Variants in MYPN observed in about 807,000 individuals in gnomAD.
The protein encoded by MYPN is myopalladin.
Under a neutral mutation model 129.4 loss-of-function variants are expected in MYPN, and 63 were observed. The ratio of observed to expected loss-of-function variants is 0.49; its 90% CI spans 0.40 to 0.60. The LOEUF (loss-of-function observed/expected upper bound fraction) is 0.60. Ranked by LOEUF, MYPN falls within the 20% of genes least tolerant of loss-of-function variation. The pLI, the probability that MYPN is intolerant of heterozygous loss-of-function variation, is 0.00. For synonymous variants in MYPN, 629 were observed against 600.9 expected (o/e 1.05, Z -0.68); for missense variants, 1,596 against 1,635.4 (o/e 0.98, Z 0.42).
chr10:68,184,197 C>T (rs915986992), intron 12 of MYPN, among the ~76,000 whole-genome samples: 3 of 151,964 alleles, frequency 2.0e-5, no homozygotes, highest in Non-Finnish European at 4.4e-5. Flanking sequence ...TATCCTGATA[C>T]AAAGCAAGCA....
chr10:68,177,600 C>G (rs2043247821), intron 12 of MYPN, among the ~76,000 whole-genome samples: 1 of 152,160 alleles, frequency 6.6e-6, no homozygotes, highest in Non-Finnish European at 1.5e-5. Context: ...TCATGAAGAA[C>G]TGTCTAAAAT....
intron 10 of MYPN, among the ~76,000 whole-genome samples, chr10:68,170,283 G>A (rs113060743): frequency 6.6e-5 from 10 of 152,126 alleles, no homozygotes; most frequent in African/African-American, 1.7e-4. Context: ...AATATAAGAC[G>A]TCTTTCTACT....
chr10:68,203,691 A>G (rs78711684), intron 18 of MYPN, among the ~76,000 whole-genome samples: 443 of 12,360 alleles, frequency 0.036, 3 homozygotes, highest in African/African-American at 0.06. Flanking sequence ...ACGCGCACGC[A>G]CACACACACA....
At chr10:68,157,113 C>G (rs1440908546) in intron 6 of MYPN, among the ~76,000 whole-genome samples, 1 of 152,210 alleles carries the variant, frequency 6.6e-6, no homozygotes, top group African/African-American at 2.4e-5. Context: ...ACACTGATAT[C>G]TTACAATTCA....
At chr10:68,141,351 G>C (rs1196923967) in intron 2 of MYPN, among the ~76,000 whole-genome samples, 1 of 149,672 alleles carries the variant, frequency 6.7e-6, no homozygotes, top group African/African-American at 2.5e-5. Flanking sequence ...TCTGGTGACA[G>C]AGCAAGACTC....
intron 2 of MYPN, among the ~76,000 whole-genome samples, chr10:68,140,793 A>G (rs751141759): frequency 2.6e-5 from 4 of 152,066 alleles, no homozygotes; most frequent in African/African-American, 9.7e-5. Context: ...GCCTTATAGG[A>G]TGTGTGTGGT....
chr10:68,134,306 T>A (rs1302791443), intron 2 of MYPN, among the ~76,000 whole-genome samples: 1 of 152,052 alleles, frequency 6.6e-6, no homozygotes, highest in Non-Finnish European at 1.5e-5. Context: ...CAGATAAATA[T>A]TATATTTAAT....
At chr10:68,094,193 C>T (rs2041944563) in intron 1 of MYPN, among the ~76,000 whole-genome samples, 1 of 152,094 alleles carries the variant, frequency 6.6e-6, no homozygotes. Flanking sequence ...CCTTCTGTCT[C>T]ATCCTGTGAC....
At chr10:68,089,688 G>A (rs977904199) in intron 1 of MYPN, among the ~76,000 whole-genome samples, 30 of 152,104 alleles carry the variant, frequency 2.0e-4, no homozygotes, top group African/African-American at 6.8e-4. Flanking sequence ...TGCGAGAAGA[G>A]AGAAGAGAAG....
At chr10:68,199,639 A>T in intron 17 of MYPN, 64 bp downstream of exon 17, 3 of 1,507,408 alleles carry the variant, frequency 2.0e-6, no homozygotes, top group Non-Finnish European at 2.8e-6. Flanking sequence ...AAAGAGGCAG[A>T]GCCTCTGCCA....
rs1589553380 is a variant in MYPN at position 68,145,626 on chromosome 10, C to T, written c.1130+100C>T. 8 of 1,000,134 alleles carry T rather than the reference C, an allele frequency of 8.0e-6. No individual in the cohort carries two copies. The East Asian group carries it at 2.0e-4, about 25-fold the overall frequency. 62.0% of individuals were successfully genotyped at this position (1,000,134 alleles called of 1,614,324 possible). ...TTACTAGAACTTAAGAAGGGTGGCT[C>T]CAGGGTTTGACCACAAAAATAAATA... On this transcript the variant is annotated intron_variant, in intron 4 of 19. Transcript: ENST00000358913.
intron 2 of MYPN, among the ~76,000 whole-genome samples, chr10:68,125,127 G>T (rs951398040): frequency 9.2e-5 from 14 of 152,124 alleles, no homozygotes; most frequent in Admixed American, 3.9e-4. Context: ...TGAATTCAAT[G>T]CACCACTAAG....
chr10:68,137,442 G>C (rs1379228110), intron 2 of MYPN, among the ~76,000 whole-genome samples: 1 of 152,120 alleles, frequency 6.6e-6, no homozygotes, highest in Non-Finnish European at 1.5e-5. Context: ...TGAAAGATTT[G>C]TTGCAATGTG....
intron 1 of MYPN, among the ~76,000 whole-genome samples, chr10:68,118,044 A>T (rs1466785774): frequency 2.6e-5 from 4 of 152,150 alleles, no homozygotes; most frequent in African/African-American, 9.6e-5. Flanking sequence ...ACATTAAAAC[A>T]TTAAAGAAAT....
intron 18 of MYPN, among the ~76,000 whole-genome samples, chr10:68,205,550 G>A (rs1441144120): frequency 4.0e-5 from 6 of 151,600 alleles, no homozygotes; most frequent in Admixed American, 3.9e-4. Flanking sequence ...AGGCAGGCAT[G>A]GTGGCAGGCA....
intron 4 of MYPN, among the ~76,000 whole-genome samples, chr10:68,146,750 C>A (rs554386325): frequency 6.6e-6 from 1 of 152,276 alleles, no homozygotes; most frequent in South Asian, 2.1e-4. Context: ...GCTTGTCAGC[C>A]TTTTAAGGTC....
At chr10:68,179,686 A>G (rs10740284) in intron 12 of MYPN, among the ~76,000 whole-genome samples, 94,092 of 151,856 alleles carry the variant, frequency 0.62, 30,733 homozygotes, top group Non-Finnish European at 0.72. Context: ...TTTGAGACAG[A>G]GTATCACTCT....
chr10:68,175,520 C>T (rs1369057540), intron 12 of MYPN, 59 bp downstream of exon 12: 6 of 1,591,050 alleles, frequency 3.8e-6, no homozygotes, highest in South Asian at 2.2e-5. Flanking sequence ...TTTAATTTTG[C>T]TTGATTCAGT....
intron 2 of MYPN, chr10:68,136,292 C>T: frequency 2.0e-6 from 2 of 990,786 alleles, no homozygotes; most frequent in Non-Finnish European, 2.4e-6. Context: ...CCATCTGGAC[C>T]TGCCCTATTT....
Sources: gnomAD v4.1 joint callset for allele counts (sites outside exome capture counted in the v4.1 genomes callset) on GRCh38, gnomAD v4.1.1 for gene constraint, MANE v1.5 for transcripts, NCBI Gene and HGNC (gene_info 2026-07-23, HGNC 2026-07-21) for gene names.